The following CDH18 variants were observed in gnomAD, a reference collection of about 807,000 sequenced individuals.
CDH18 encodes cadherin 18, also known as cadherin-18.
CDH18 carries 31 observed loss-of-function variants against 67.9 expected under a neutral mutation model. The ratio of observed to expected loss-of-function variants is 0.46; its 90% confidence interval spans 0.34 to 0.62. The LOEUF is 0.62. CDH18 is among the 20% of genes least tolerant of loss of function. CDH18 has a pLI of 0.01. For missense variants in CDH18, 890 were observed against 975.5 expected (o/e 0.91, Z 1.17); for synonymous variants, 362 against 347.2 (o/e 1.04, Z -0.48).
At chr5:20,260,925 T>C (rs1744603840) in intron 1 of CDH18, among the ~76,000 whole-genome samples, 1 of 152,148 alleles carries the variant, frequency 6.6e-6, no homozygotes, top group Non-Finnish European at 1.5e-5. Context: ...GAGCCTCAGG[T>C]GGGATCATAG....
At chr5:19,688,077 T>C (rs1019909669) in intron 5 of CDH18, among the ~76,000 whole-genome samples, 1 of 152,136 alleles carries the variant, frequency 6.6e-6, no homozygotes. Flanking sequence ...GCAGCCACCA[T>C]TAACACCACA....
Position 20,146,471 on chromosome 5 carries a change from T to C in CDH18, c.-518+108973A>G, listed in dbSNP as rs2126546433. 3.9e-5 allele frequency among the ~76,000 whole-genome samples: 6 copies of C among 152,250 alleles called. No individual in the cohort carries two copies. In the East Asian group the frequency reaches 9.7e-4, roughly 25 times the overall value. On this transcript the variant is annotated intron_variant, in intron 2 of 14. Coordinates refer to the CDH18 transcript ENST00000507958. ...ATATAATTGAATTGTGTTATATTAG[T>C]TACTTACTTATCCACTTGTTTATCT...
At chr5:19,646,408 C>T (rs1025884031) in intron 5 of CDH18, among the ~76,000 whole-genome samples, 60 of 151,812 alleles carry the variant, frequency 4.0e-4, no homozygotes, top group African/African-American at 1.4e-3. Flanking sequence ...GGTGTGATCT[C>T]GGCTCACTGC....
intron 5 of CDH18, among the ~76,000 whole-genome samples, chr5:19,696,045 A>G (rs1346349120): frequency 1.3e-5 from 2 of 151,858 alleles, no homozygotes; most frequent in Non-Finnish European, 1.5e-5. Flanking sequence ...TTTTTAAAAA[A>G]CTTTAAAACT....
intron 5 of CDH18, 38 bp downstream of exon 5, chr5:19,721,309 C>T (rs1360694606): frequency 6.6e-7 from 1 of 1,524,380 alleles, no homozygotes. Flanking sequence ...CTTACTGTAG[C>T]AAACGCTTGC....
intron 1 of CDH18, among the ~76,000 whole-genome samples, chr5:20,538,240 G>A (rs922709238): frequency 3.3e-5 from 5 of 152,256 alleles, no homozygotes; most frequent in Non-Finnish European, 7.4e-5. Flanking sequence ...AAAGGGGGAT[G>A]CAGACGTGGG....
intron 2 of CDH18, among the ~76,000 whole-genome samples, chr5:20,031,706 T>C (rs1334535886): frequency 6.6e-6 from 1 of 152,084 alleles, no homozygotes; most frequent in East Asian, 1.9e-4. Context: ...CAACCTTTAT[T>C]TGAGATTTTT....
intron 1 of CDH18, among the ~76,000 whole-genome samples, chr5:20,452,678 G>A (rs950974743): frequency 1.3e-5 from 2 of 152,026 alleles, no homozygotes; most frequent in Non-Finnish European, 2.9e-5. Context: ...GTACCTGAGT[G>A]ATGAAATAAT....
chr5:19,788,999 G>C (rs1347055009), intron 3 of CDH18, among the ~76,000 whole-genome samples: 4 of 152,158 alleles, frequency 2.6e-5, no homozygotes, highest in Admixed American at 2.0e-4. Flanking sequence ...GTTTTTGAGG[G>C]AAGAGCCGCC....
intron 5 of CDH18, among the ~76,000 whole-genome samples, chr5:19,647,023 T>A (rs993238819): frequency 2.6e-5 from 4 of 152,184 alleles, no homozygotes; most frequent in Admixed American, 6.5e-5. Context: ...TGCATTTTTT[T>A]AAATTGCAAA....
intron 5 of CDH18, among the ~76,000 whole-genome samples, chr5:19,700,239 T>C (rs1271931742): frequency 6.6e-6 from 1 of 152,210 alleles, no homozygotes; most frequent in Non-Finnish European, 1.5e-5. Context: ...ATCTGTGCTG[T>C]ATTCACATGA....
At chr5:20,545,582 T>A (rs1757297982) in intron 1 of CDH18, among the ~76,000 whole-genome samples, 1 of 152,196 alleles carries the variant, frequency 6.6e-6, no homozygotes, top group African/African-American at 2.4e-5. Flanking sequence ...AGATATACGT[T>A]GGCACCCTTT....
intron 11 of CDH18, among the ~76,000 whole-genome samples, chr5:19,502,368 C>T (rs1386320): frequency 0.2 from 30,555 of 151,964 alleles, 3,375 homozygotes; most frequent in African/African-American, 0.27. Context: ...TATATGGAAC[C>T]TTGAGAAATG....
intron 5 of CDH18, among the ~76,000 whole-genome samples, chr5:19,716,969 T>C (rs1446115295): frequency 6.6e-6 from 1 of 152,092 alleles, no homozygotes. Flanking sequence ...TAGTAGTATT[T>C]ACTGGGCATG....
intron 2 of CDH18, among the ~76,000 whole-genome samples, chr5:19,857,488 G>A (rs1784435987): frequency 1.3e-5 from 2 of 152,106 alleles, no homozygotes; most frequent in Middle Eastern, 3.2e-3. Context: ...AACACACATA[G>A]TACAGTAGTT....
chr5:20,574,190 G>A (rs527550509), intron 1 of CDH18, among the ~76,000 whole-genome samples: 5 of 151,240 alleles, frequency 3.3e-5, no homozygotes, highest in Admixed American at 1.3e-4. Context: ...CAAAATGAAC[G>A]TCATAAAATA....
At chr5:19,859,727 G>A (rs1037474984) in intron 2 of CDH18, among the ~76,000 whole-genome samples, 2 of 152,012 alleles carry the variant, frequency 1.3e-5, no homozygotes, top group Non-Finnish European at 2.9e-5. Context: ...TGCCTTTCTG[G>A]ACCAAACCAA....
At chr5:20,007,006 T>G (rs1051753629) in intron 2 of CDH18, among the ~76,000 whole-genome samples, 1 of 151,954 alleles carries the variant, frequency 6.6e-6, no homozygotes, top group Non-Finnish European at 1.5e-5. Flanking sequence ...TGAGTTAAAT[T>G]TTTTTAGGTT....
At chr5:20,395,307 G>A (rs1381667765) in intron 1 of CDH18, among the ~76,000 whole-genome samples, 1 of 152,138 alleles carries the variant, frequency 6.6e-6, no homozygotes, top group Non-Finnish European at 1.5e-5. Flanking sequence ...GAATGGAGCT[G>A]GAAGCTATTA....
Sources: gnomAD v4.1 joint callset for allele counts (sites outside exome capture counted in the v4.1 genomes callset) on GRCh38, gnomAD v4.1.1 for gene constraint, MANE v1.5 for transcripts, NCBI Gene and HGNC (gene_info 2026-07-23, HGNC 2026-07-21) for gene names.